The following ZNF365 variants were observed in gnomAD, a reference collection of about 807,000 sequenced individuals.
ZNF365 encodes protein ZNF365.
A neutral mutation model predicts 35.0 loss-of-function variants in ZNF365; 22 were observed. The ratio of observed to expected loss-of-function variants is 0.63; its 90% CI spans 0.45 to 0.90. The LOEUF (loss-of-function observed/expected upper bound fraction) is 0.90, where lower values mean the gene tolerates loss of function less well. Ranked by LOEUF, ZNF365 falls within the 40% of genes least tolerant of loss-of-function variation. The pLI is 0.00. For missense variants in ZNF365, 448 were observed against 500.3 expected (o/e 0.90, Z 1.00); for synonymous variants, 188 against 196.2 (o/e 0.96, Z 0.35).
At chr10:62,416,949 C>G (rs1448778689) in intron 3 of ZNF365, among the ~76,000 whole-genome samples, 1 of 151,932 alleles carries the variant, frequency 6.6e-6, no homozygotes, top group Non-Finnish European at 1.5e-5. Context: ...TTAAAGGGCC[C>G]TTGAAGGCAT....
chr10:62,470,400 C>T (rs7923418), intron 4 of ZNF365, among the ~76,000 whole-genome samples: 28,339 of 152,138 alleles, frequency 0.19, 3,507 homozygotes, highest in African/African-American at 0.35. Flanking sequence ...CAGCCTAATT[C>T]GTGATTTAGC....
At chr10:62,419,668 C>G (rs180976823) in intron 3 of ZNF365, among the ~76,000 whole-genome samples, 1 of 152,114 alleles carries the variant, frequency 6.6e-6, no homozygotes, top group African/African-American at 2.4e-5. Context: ...TTTGCAGCAA[C>G]AGCAAACAGT....
intron 3 of ZNF365, among the ~76,000 whole-genome samples, chr10:62,428,722 C>T (rs1840288917): frequency 6.6e-6 from 1 of 152,132 alleles, no homozygotes; most frequent in Admixed American, 6.5e-5. Flanking sequence ...TGGGGTGAAA[C>T]CCATTCAATT....
rs1247013409 is a variant in ZNF365 at position 62,376,453 on chromosome 10, G to A, written c.260G>A (p.Ser87Asn). 2 of 1,614,052 alleles carry A rather than the reference G, an allele frequency of 1.2e-6. No individual in the cohort carries two copies. The highest frequency in any genetic ancestry group is 2.2e-5 in the East Asian group (1 of 44,890). The change falls in exon 2 of 5, where the codon AGC (serine) becomes AAC (asparagine). Residue 87 changes from serine (S) to asparagine (N), a missense_variant. This residue lies in a region of ZNF365 where 10 missense variants were observed against 27.9 expected (regional missense o/e 0.36). Transcript: ENST00000395254. The stretch of plus-strand genomic sequence containing the variant: ...CTCCTGAAACCGGGAAAATTGCAGA[G>A]CAGTGGCAACGTGGTAAAGCAGAAA... The part of the protein sequence containing the change: ...SELLKPGKLQ[S>N]SGNVVKQKPS...
chr10:62,425,415 A>T (rs550592098), intron 3 of ZNF365, among the ~76,000 whole-genome samples: 5 of 152,326 alleles, frequency 3.3e-5, no homozygotes, highest in African/African-American at 1.2e-4. Context: ...TAGGCAAGGG[A>T]TGATTTCTTT....
chr10:62,417,819 G>A (rs1200464136), intron 3 of ZNF365, among the ~76,000 whole-genome samples: 1 of 151,718 alleles, frequency 6.6e-6, no homozygotes, highest in African/African-American at 2.4e-5. Context: ...TAACAAATTT[G>A]CTTTTCTTAA....
chr10:62,421,640 A>C (rs549823662), intron 3 of ZNF365, among the ~76,000 whole-genome samples: 5 of 152,216 alleles, frequency 3.3e-5, no homozygotes, highest in Non-Finnish European at 7.3e-5. Context: ...AAAGGCTTTA[A>C]TGATAGAGAT....
chr10:62,411,671 A>G lies in ZNF365; in HGVS notation c.924+23095A>G, dbSNP rs553382357. Reference sequence around the variant, plus strand: ...TTTGTACCAGTACCATGCTGTTTTCATTACTGTAGCCATGTAGTACAGTTT... The same window carrying G: ...TTTGTACCAGTACCATGCTGTTTTCGTTACTGTAGCCATGTAGTACAGTTT... On this transcript the variant is annotated intron_variant, in intron 3 of 4. Coordinates refer to the ZNF365 transcript ENST00000395255. Among the ~76,000 whole-genome samples, 6 of 152,070 alleles carry G rather than the reference A, an allele frequency of 3.9e-5. No homozygotes were observed. The East Asian group carries it at 1.2e-3, about 29-fold the overall frequency.
chr10:62,377,146 A>T (rs935326980), intron 2 of ZNF365, among the ~76,000 whole-genome samples: 2 of 152,220 alleles, frequency 1.3e-5, no homozygotes, highest in Non-Finnish European at 2.9e-5. Flanking sequence ...TTAAAGTCAA[A>T]TATCTAATTC....
chr10:62,465,542 AC>A (rs1200232138), intron 4 of ZNF365, among the ~76,000 whole-genome samples: 1 of 151,926 alleles, frequency 6.6e-6, no homozygotes, highest in Admixed American at 6.6e-5. Flanking sequence ...TTTCAGGCCC[AC>A]CCATGGCTTC....
intron 3 of ZNF365, among the ~76,000 whole-genome samples, chr10:62,391,744 T>G (rs1287205073): frequency 6.6e-6 from 1 of 152,284 alleles, no homozygotes; most frequent in African/African-American, 2.4e-5. Flanking sequence ...TAATGACTTC[T>G]TTTCCTCTGG....
intron 3 of ZNF365, among the ~76,000 whole-genome samples, chr10:62,414,630 G>A (rs1468819402): frequency 7.9e-5 from 12 of 152,070 alleles, no homozygotes; most frequent in Admixed American, 7.2e-4. Context: ...CATCTCCCTA[G>A]TTTCTAACCT....
chr10:62,470,024 A>ATATGATATGATATATCATAT (rs1841007784), intron 4 of ZNF365, among the ~76,000 whole-genome samples: 2 of 152,324 alleles, frequency 1.3e-5, no homozygotes, highest in South Asian at 4.1e-4. Context: ...TGCTATTATT[A>ATATGATATGATATATCATAT]ATATATGATA....
At chr10:62,450,119 A>T (rs543347318) in intron 3 of ZNF365, among the ~76,000 whole-genome samples, 2 of 152,212 alleles carry the variant, frequency 1.3e-5, no homozygotes, top group East Asian at 1.9e-4. Flanking sequence ...TTAAAAAAAA[A>T]ATTTTAAGAC....
chr10:62,453,390 C>G (rs1320498703), intron 3 of ZNF365, among the ~76,000 whole-genome samples: 1 of 152,178 alleles, frequency 6.6e-6, no homozygotes, highest in Non-Finnish European at 1.5e-5. Context: ...CTGTATTTGT[C>G]TTTCTGTTTC....
At chr10:62,412,087 C>T (rs1415886155) in intron 3 of ZNF365, among the ~76,000 whole-genome samples, 2 of 152,128 alleles carry the variant, frequency 1.3e-5, no homozygotes, top group Admixed American at 6.5e-5. Flanking sequence ...GCTTATCCAT[C>T]ACTATCAAAT....
At chr10:62,410,089 A>G (rs1839962980) in intron 3 of ZNF365, among the ~76,000 whole-genome samples, 1 of 152,108 alleles carries the variant, frequency 6.6e-6, no homozygotes. Context: ...ACTGACTTCT[A>G]TCTGAAATTA....
chr10:62,414,974 C>T (rs554267956), intron 3 of ZNF365, among the ~76,000 whole-genome samples: 2 of 152,282 alleles, frequency 1.3e-5, no homozygotes, highest in East Asian at 1.9e-4. Flanking sequence ...TAATCACTGT[C>T]AAACTCATAA....
chr10:62,439,294 T>G (rs1840455940), intron 3 of ZNF365, among the ~76,000 whole-genome samples: 1 of 152,144 alleles, frequency 6.6e-6, no homozygotes, highest in Non-Finnish European at 1.5e-5. Flanking sequence ...CCATGTGTAT[T>G]CCTTCATTGT....
Sources: gnomAD v4.1 joint callset for allele counts (sites outside exome capture counted in the v4.1 genomes callset) on GRCh38, gnomAD v4.1.1 for gene constraint, gnomAD v4.1.1 regional missense constraint, MANE v1.5 for transcripts, NCBI Gene and HGNC (gene_info 2026-07-23, HGNC 2026-07-21) for gene names.